CASP2: variants seen among roughly 807,000 people sequenced by gnomAD.
CASP2 encodes caspase 2, also known as caspase-2.
Under a neutral mutation model 54.4 loss-of-function variants are expected in CASP2, and 38 were observed. That is an observed-to-expected ratio of 0.70 (90% CI 0.54 to 0.92). CASP2 has a LOEUF of 0.92. Ranked by LOEUF, CASP2 falls within the 40% of genes least tolerant of loss-of-function variation. The probability of loss-of-function intolerance (pLI) is 0.00; values close to 1 mark genes in which losing one functional copy is unlikely to be tolerated. For synonymous variants in CASP2, 215 were observed against 216.3 expected (o/e 0.99, Z 0.05); for missense variants, 512 against 579.6 (o/e 0.88, Z 1.20).
Position 143,294,618 on chromosome 7 carries a change from C to A in CASP2, c.592C>A (p.Pro198Thr). ...ACAGGCATATAGGTTGCAGTCTCGG[C>A]CTCGTGGCCTAGCACTGGTGTTGAG... is the stretch of plus-strand genomic sequence containing the variant. ...FQLAYRLQSR[P>T]RGLALVLSNV... Residue 198 changes from proline to threonine, a missense_variant, in exon 6 of 11, where the codon CCT (proline) becomes ACT (threonine). Transcript: ENST00000310447. 1.2e-6 allele frequency: 2 copies of A among 1,614,184 alleles called. No homozygotes were observed. The highest frequency in any genetic ancestry group is 1.7e-6 in the Non-Finnish European group (2 of 1,180,018).
intron 10 of CASP2, 48 bp from the exon 11 acceptor site, chr7:143,304,892 T>G: frequency 6.2e-7 from 1 of 1,613,978 alleles, no homozygotes; most frequent in Non-Finnish European, 8.5e-7. Flanking sequence ...GCTGCTCTCC[T>G]GAAGCCCGAG....
chr7:143,303,864 A>G lies in CASP2; in HGVS notation c.1048A>G (p.Lys350Glu). The G allele has an allele frequency of 6.2e-7, 1 of 1,613,862 alleles. No individual in the cohort carries two copies. The highest frequency in any genetic ancestry group is 8.5e-7 in the Non-Finnish European group (1 of 1,179,898). ...SPGCEESDAG[K>E]EKLPKMRLPT... ...TGGGTGCGAGGAGAGTGATGCCGGT[A>G]AAGAAAAGTTGCCGAAGATGAGACT... The change falls in exon 9 of 11, where the codon AAA (lysine) becomes GAA (glutamate). Residue 350 changes from lysine (K) to glutamate (E), a missense_variant. By Grantham distance (56) the Lys-to-Glu change is moderately conservative. This residue lies in a region of CASP2 where 417 missense variants were observed against 495.4 expected (regional missense o/e 0.84). Transcript: ENST00000310447.
At chr7:143,299,814 A>G in intron 6 of CASP2, 109 bp from the exon 7 acceptor site, 1 of 1,232,714 alleles carries the variant, frequency 8.1e-7, no homozygotes, top group Non-Finnish European at 1.2e-6. Context: ...AGGAATATAC[A>G]TAAAGCGTTT....
intron 8 of CASP2, 85 bp from the exon 9 acceptor site, chr7:143,303,699 T>C: frequency 8.2e-7 from 1 of 1,218,586 alleles, no homozygotes; most frequent in Non-Finnish European, 1.2e-6. Context: ...TTCAAGGTTG[T>C]AGGGAACGTG....
Position 143,303,796 on chromosome 7 carries a change from G to A in CASP2, c.980G>A (p.Arg327His), listed in dbSNP as rs780070521. 5.0e-5 allele frequency: 80 copies of A among 1,613,702 alleles called. No individual in the cohort carries two copies. The highest frequency in any genetic ancestry group is 4.9e-4 in the Middle Eastern group (3 of 6,082). ...IQACRGDETD[R>H]GVDQQDGKNH... The stretch of plus-strand genomic sequence containing the variant: ...GCCTTTGTTACAGATGAGACTGATC[G>A]TGGGGTTGACCAACAAGATGGAAAG... The change falls in exon 9 of 11, where the codon CGT (arginine) becomes CAT (histidine). Residue 327 changes from arginine to histidine, a missense_variant. Transcript: ENST00000310447.
At chr7:143,291,722 G>T in intron 2 of CASP2, 32 bp downstream of exon 2, 2 of 1,580,776 alleles carry the variant, frequency 1.3e-6, no homozygotes, top group South Asian at 1.1e-5. Flanking sequence ...AAGATAAATT[G>T]ATCATGGGGT....
chr7:143,304,497 C>G (rs906718032), intron 9 of CASP2, among the ~76,000 whole-genome samples, 177 bp from the exon 10 acceptor site: 2 of 152,166 alleles, frequency 1.3e-5, no homozygotes, highest in African/African-American at 2.4e-5. Context: ...GGTCTGGAAA[C>G]AGACCTACGG....
chr7:143,305,251 C>T lies in CASP2; in HGVS notation c.*180C>T. 1 of 777,026 alleles carries T rather than the reference C, an allele frequency of 1.3e-6. No homozygotes were observed. Among genetic ancestry groups the T allele is most frequent in the Non-Finnish European group, 2.2e-6 (1 of 463,748 alleles). 48.1% of individuals were successfully genotyped at this position (777,026 alleles called of 1,614,324 possible). On this transcript the variant is annotated 3_prime_UTR_variant, in exon 11 of 11. Coordinates refer to ENST00000310447, the MANE Select transcript of CASP2 (RefSeq NM_032982.4). ...TGAGTGTGGGACTCCAGGCCAGCTC[C>T]TTTTCTGTGAAGCCCTTTGCCTGTA...
intron 8 of CASP2, chr7:143,303,087 G>C (rs1245498968): frequency 1.3e-5 from 2 of 151,332 alleles, no homozygotes; most frequent in Non-Finnish European, 2.9e-5. Context: ...AACGTAGCAA[G>C]ACCCCATCTC....
At chr7:143,294,541 C>T in intron 5 of CASP2, 56 bp from the exon 6 acceptor site, 2 of 1,490,976 alleles carry the variant, frequency 1.3e-6, no homozygotes, top group South Asian at 1.1e-5. Flanking sequence ...TCTAATCTAG[C>T]CGAGGAATCA....
At chr7:143,293,322 C>T (rs1173654936) in intron 4 of CASP2, 1 of 432,730 alleles carries the variant, frequency 2.3e-6, no homozygotes, top group Non-Finnish European at 4.1e-6. Flanking sequence ...GAGAAGGAGT[C>T]TCACTTTGTT....
Position 143,294,577 on chromosome 7 carries a change from A to G in CASP2, c.571-20A>G. On this transcript the variant is annotated intron_variant, in intron 5 of 10. Transcript: ENST00000310447. ...TCTGTTATCAAGACGCTCATGGTCTAACTGGCCTCTCCTCCACAGGCATAT... is the reference window on the plus strand; with the variant it reads ...TCTGTTATCAAGACGCTCATGGTCTGACTGGCCTCTCCTCCACAGGCATAT... 2 of 1,611,866 alleles carry G rather than the reference A, an allele frequency of 1.2e-6. No individual in the cohort carries two copies. Among genetic ancestry groups the G allele is most frequent in the Non-Finnish European group, 1.7e-6 (2 of 1,178,292 alleles).
intron 8 of CASP2, chr7:143,303,527 T>C (rs898028489): frequency 2.4e-6 from 1 of 415,374 alleles, no homozygotes; most frequent in African/African-American, 2.0e-5. Flanking sequence ...GAATGGGAAC[T>C]GCTCCAACCG....
intron 6 of CASP2, among the ~76,000 whole-genome samples, chr7:143,296,277 G>A (rs1586460632): frequency 6.6e-6 from 1 of 152,298 alleles, no homozygotes; most frequent in Non-Finnish European, 1.5e-5. Context: ...AACTGGAATT[G>A]CAGTAGAGTT....
intron 1 of CASP2, among the ~76,000 whole-genome samples, chr7:143,288,978 T>C (rs561412290): frequency 2.6e-5 from 4 of 152,262 alleles, no homozygotes; most frequent in Non-Finnish European, 4.4e-5. Flanking sequence ...TATCATGATC[T>C]GCATGGCTTT....
At chr7:143,289,317 T>C (rs1481052555) in intron 1 of CASP2, among the ~76,000 whole-genome samples, 4 of 152,212 alleles carry the variant, frequency 2.6e-5, no homozygotes, top group Admixed American at 1.3e-4. Context: ...ACTCTCATAC[T>C]ACAGAGTAGA....
chr7:143,290,802 G>T (rs534014410), intron 1 of CASP2: 1 of 152,426 alleles, frequency 6.6e-6, no homozygotes, highest in Non-Finnish European at 1.5e-5. Flanking sequence ...GGGTGAACCC[G>T]CCCAGGTCAA....
chr7:143,304,495 AACAGACCT>A lies in CASP2; in HGVS notation c.1118-176_1118-169del, dbSNP rs1375281941. Among the ~76,000 whole-genome samples, 4 of 152,304 alleles carry A rather than the reference AACAGACCT, an allele frequency of 2.6e-5. No homozygotes were observed. In the East Asian group the frequency reaches 7.7e-4, roughly 29 times the overall value. On this transcript the variant is annotated intron_variant, in intron 9 of 10. Coordinates refer to ENST00000310447, the MANE Select transcript of CASP2 (RefSeq NM_032982.4). The stretch of plus-strand genomic sequence containing the variant: ...ATTCACTTTCTTAAGCTGGTCTGGA[AACAGACCT>A]ACGGTATCTCCAAAGTATGCCAATA...
At chr7:143,302,905 A>G (rs1011975909) in intron 8 of CASP2, 1 of 152,190 alleles carries the variant, frequency 6.6e-6, no homozygotes, top group South Asian at 2.1e-4. Context: ...TTGAATAAGG[A>G]TGATCTTTTT....
Sources: allele counts gnomAD v4.1 joint callset (sites outside exome capture counted in the v4.1 genomes callset), GRCh38; gene constraint gnomAD v4.1.1; regional missense constraint gnomAD v4.1.1; transcripts MANE v1.5; gene names NCBI Gene and HGNC (gene_info 2026-07-23, HGNC 2026-07-21).